The following LINGO2 variants were observed in gnomAD, a reference collection of about 807,000 sequenced individuals.
The protein encoded by LINGO2 is leucine rich repeat and Ig domain containing 2.
A neutral mutation model predicts 30.6 loss-of-function variants in LINGO2; 14 were observed. The observed-to-expected ratio is 0.46, with a 90% CI of 0.30 to 0.72. The LOEUF is 0.72. Ranked by LOEUF, LINGO2 falls within the 30% of genes least tolerant of loss-of-function variation. LINGO2 has a pLI of 0.07. For missense variants in LINGO2, 729 were observed against 751.7 expected, an observed-to-expected ratio of 0.97 and a Z score of 0.35; for synonymous variants, 317 against 288.5, an observed-to-expected ratio of 1.10 and a Z score of -1.00.
chr9:28,814,260 A>C, the LINGO2 span, among the ~76,000 whole-genome samples: 1 of 152,162 alleles, frequency 6.6e-6, no homozygotes, highest in African/African-American at 2.4e-5. Flanking sequence ...AACATGGCAA[A>C]ACCCTGTCTC....
chr9:28,988,733 T>C, the LINGO2 span, among the ~76,000 whole-genome samples: 3 of 152,244 alleles, frequency 2.0e-5, no homozygotes, highest in Non-Finnish European at 2.9e-5. Flanking sequence ...CTTTTTCTCC[T>C]GTAGAAACCA....
chr9:28,670,601 ATG>A (rs1260332671), upstream of LINGO2, among the ~76,000 whole-genome samples: 1 of 152,164 alleles, frequency 6.6e-6, no homozygotes, highest in Non-Finnish European at 1.5e-5. Flanking sequence ...ATGTTTTCTT[ATG>A]TGCATTACCA....
intron 2 of LINGO2, among the ~76,000 whole-genome samples, chr9:28,396,018 G>C (rs968520889): frequency 2.6e-5 from 4 of 152,122 alleles, no homozygotes; most frequent in African/African-American, 9.7e-5. Context: ...TGGGCAGAAG[G>C]AAACTAGGGA....
intron 1 of LINGO2, among the ~76,000 whole-genome samples, chr9:28,596,534 G>A (rs1298360788): frequency 3.3e-5 from 5 of 152,078 alleles, no homozygotes; most frequent in South Asian, 2.1e-4. Flanking sequence ...ACCAGCCAAC[G>A]ATGGCTTTTA....
chr9:29,057,891 C>T, the LINGO2 span, among the ~76,000 whole-genome samples: 4 of 152,118 alleles, frequency 2.6e-5, no homozygotes, highest in African/African-American at 9.6e-5. Context: ...AAAGGCCACG[C>T]CTAAAGAACG....
At chr9:28,350,334 G>A (rs1179421187) in intron 3 of LINGO2, among the ~76,000 whole-genome samples, 1 of 142,472 alleles carries the variant, frequency 7.0e-6, no homozygotes, top group Non-Finnish European at 1.6e-5. Flanking sequence ...AACAAAAGAA[G>A]GCAGGGGTTG....
chr9:28,655,467 T>C (rs1828295753), intron 1 of LINGO2, among the ~76,000 whole-genome samples: 1 of 152,056 alleles, frequency 6.6e-6, no homozygotes, highest in African/African-American at 2.4e-5. Context: ...TAAGTTAGGA[T>C]TTGGGGGTAC....
At chr9:28,196,319 A>G (rs932870930) in intron 4 of LINGO2, among the ~76,000 whole-genome samples, 8 of 151,790 alleles carry the variant, frequency 5.3e-5, no homozygotes, top group African/African-American at 1.9e-4. Flanking sequence ...TGTAATTATC[A>G]GAATTTCCAG....
the LINGO2 span, chr9:27,939,168 A>G: frequency 6.6e-6 from 1 of 152,198 alleles, no homozygotes; most frequent in Non-Finnish European, 1.5e-5. Context: ...ACATGCTCAT[A>G]TGATCATTGC....
chr9:27,982,206 T>C (rs959848490), intron 5 of LINGO2, among the ~76,000 whole-genome samples: 1 of 151,838 alleles, frequency 6.6e-6, no homozygotes, highest in Non-Finnish European at 1.5e-5. Context: ...TCTGTTCCTC[T>C]TCTACACATT....
intron 1 of LINGO2, among the ~76,000 whole-genome samples, chr9:28,550,103 C>T (rs967592257): frequency 6.6e-6 from 1 of 151,634 alleles, no homozygotes; most frequent in African/African-American, 2.4e-5. Context: ...TGGATTTATT[C>T]CTATTTATCC....
At chr9:28,637,099 T>G (rs1360250445) in intron 1 of LINGO2, among the ~76,000 whole-genome samples, 1 of 152,206 alleles carries the variant, frequency 6.6e-6, no homozygotes, top group Non-Finnish European at 1.5e-5. Context: ...CATTTCTTGT[T>G]TTTGTCAGGT....
intron 4 of LINGO2, among the ~76,000 whole-genome samples, chr9:28,230,817 T>C (rs1316526712): frequency 1.3e-5 from 2 of 151,966 alleles, no homozygotes; most frequent in Non-Finnish European, 2.9e-5. Context: ...TTCAACATAA[T>C]ATGCCACATA....
At chr9:28,879,853 G>GA in the LINGO2 span, among the ~76,000 whole-genome samples, 61,973 of 151,620 alleles carry the variant, frequency 0.41, 14,707 homozygotes, top group African/African-American at 0.67. Context: ...AAAACAAAAA[G>GA]AAAAAAAAGT....
chr9:28,023,576 G>T (rs1823237935), intron 4 of LINGO2, among the ~76,000 whole-genome samples: 1 of 152,154 alleles, frequency 6.6e-6, no homozygotes, highest in South Asian at 2.1e-4. Context: ...GACCTTACAA[G>T]TTTTCTTAGC....
chr9:28,963,147 T>C, the LINGO2 span, among the ~76,000 whole-genome samples: 3 of 151,988 alleles, frequency 2.0e-5, no homozygotes, highest in African/African-American at 7.2e-5. Flanking sequence ...TACATGGAGA[T>C]TCCACATCAC....
chr9:29,090,023 G>C, the LINGO2 span, among the ~76,000 whole-genome samples: 1 of 151,778 alleles, frequency 6.6e-6, no homozygotes, highest in Non-Finnish European at 1.5e-5. Context: ...AAACAGAAAA[G>C]TAACAAAACC....
chr9:28,678,624 A>G, the LINGO2 span, among the ~76,000 whole-genome samples: 1 of 152,150 alleles, frequency 6.6e-6, no homozygotes, highest in African/African-American at 2.4e-5. Flanking sequence ...ATACAATATC[A>G]TTTACCTAAA....
At chr9:28,002,517 AT>A (rs1193043172) in intron 5 of LINGO2, among the ~76,000 whole-genome samples, 1 of 152,106 alleles carries the variant, frequency 6.6e-6, no homozygotes, top group Non-Finnish European at 1.5e-5. Context: ...ATCTGTTTAT[AT>A]TCTTATATAT....
Sources: gnomAD v4.1 joint callset for allele counts (sites outside exome capture counted in the v4.1 genomes callset) on GRCh38, gnomAD v4.1.1 for gene constraint, MANE v1.5 for transcripts, NCBI Gene and HGNC (gene_info 2026-07-23, HGNC 2026-07-21) for gene names.